Variants in PRKN observed in about 807,000 individuals in gnomAD.
The protein encoded by PRKN is E3 ubiquitin-protein ligase parkin.
A neutral mutation model predicts 59.5 loss-of-function variants in PRKN; 56 were observed. The ratio of observed to expected loss-of-function variants is 0.94; its 90% CI spans 0.76 to 1.18. PRKN has a LOEUF of 1.18. Among genes scored for constraint, PRKN ranks in the 50% most tolerant of loss-of-function variants. The pLI, the probability that PRKN is intolerant of heterozygous loss-of-function variation, is 0.00. For missense variants in PRKN, 657 were observed against 596.4 expected (o/e 1.10, Z -1.06); for synonymous variants, 250 against 222.1 (o/e 1.13, Z -1.12).
chr6:161,838,829 C>A lies in PRKN; in HGVS notation c.735-52921G>T, dbSNP rs116134031. Among the ~76,000 whole-genome samples, 1,115 of 152,258 alleles carry A rather than the reference C, an allele frequency of 7.3e-3. 20 individuals are homozygous for A. Among genetic ancestry groups the A allele is most frequent in the African/African-American group, 0.026 (1,084 of 41,556 alleles). ...CTCGCCCTGCGCCAGGGCAGCCAGTCATCTTGACAAGAGCAAGGACCGAGT... is the reference window on the plus strand; with the variant it reads ...CTCGCCCTGCGCCAGGGCAGCCAGTAATCTTGACAAGAGCAAGGACCGAGT... On this transcript the variant is annotated intron_variant, in intron 6 of 11. Transcript: ENST00000366898.
intron 5 of PRKN, among the ~76,000 whole-genome samples, chr6:162,050,831 A>G (rs758708374): frequency 1.3e-5 from 2 of 151,996 alleles, no homozygotes; most frequent in Non-Finnish European, 1.5e-5. Context: ...CCTCCCCCCA[A>G]TCACCGTGGC....
intron 7 of PRKN, among the ~76,000 whole-genome samples, chr6:161,636,729 T>C (rs1783535691): frequency 6.6e-6 from 1 of 152,086 alleles, no homozygotes; most frequent in Non-Finnish European, 1.5e-5. Flanking sequence ...CCTGTCTCTA[T>C]GTATATATAA....
At chr6:162,712,530 C>T (rs1196484363) in intron 1 of PRKN, among the ~76,000 whole-genome samples, 2 of 152,202 alleles carry the variant, frequency 1.3e-5, no homozygotes, top group Non-Finnish European at 2.9e-5. Context: ...TATCATGACG[C>T]TTATACAACT....
At chr6:162,493,908 C>T (rs1036797625) in intron 1 of PRKN, among the ~76,000 whole-genome samples, 1 of 152,176 alleles carries the variant, frequency 6.6e-6, no homozygotes, top group African/African-American at 2.4e-5. Context: ...TGGACTTCCC[C>T]ATTTGTGAGA....
intron 4 of PRKN, among the ~76,000 whole-genome samples, chr6:162,178,841 A>C (rs1783654458): frequency 6.6e-6 from 1 of 152,200 alleles, no homozygotes; most frequent in East Asian, 1.9e-4. Flanking sequence ...ACTGAATTGC[A>C]TCATCTCTTC....
chr6:162,041,559 T>C lies in PRKN; in HGVS notation c.618+12532A>G, dbSNP rs374892005. On this transcript the variant is annotated intron_variant, in intron 5 of 11. Transcript: ENST00000366898. ...CACCATTTCAAAGGGTTTAGGTTGT[T>C]ACTGTGGTTTAGTTTAGCTTTGCTT... 8.5e-5 allele frequency among the ~76,000 whole-genome samples: 13 copies of C among 152,372 alleles called. No homozygotes were observed. The South Asian group carries it at 2.7e-3, about 32-fold the overall frequency.
rs760615678 is a variant in PRKN, at chr6:161,442,716, A to G, written c.1084-55839T>C. 6.6e-6 allele frequency among the ~76,000 whole-genome samples: 1 copy of G among 152,216 alleles called. No homozygotes were observed. Among genetic ancestry groups the G allele is most frequent in the Non-Finnish European group, 1.5e-5 (1 of 68,040 alleles). ...GGGCCCCGCTTACACACCAACACCCATGAATGCTTTTCAACGAAGTTGCTA... is the reference window on the plus strand; with the variant it reads ...GGGCCCCGCTTACACACCAACACCCGTGAATGCTTTTCAACGAAGTTGCTA... On this transcript the variant is annotated intron_variant, in intron 9 of 11. Coordinates refer to ENST00000366898, the MANE Select transcript of PRKN (RefSeq NM_004562.3). This position sits in a 1 kb window ranked among gnomAD's most constrained non-coding sequence, Gnocchi z 4.6.
At chr6:161,867,759 T>TTATGTATTTATG (rs1554236201) in intron 6 of PRKN, among the ~76,000 whole-genome samples, 4 of 150,122 alleles carry the variant, frequency 2.7e-5, no homozygotes, top group African/African-American at 9.8e-5. Context: ...ATTTATTTAT[T>TTATGTATTTATG]TATTTATTTA....
chr6:161,709,422 A>G (rs989735115), intron 7 of PRKN, among the ~76,000 whole-genome samples: 13 of 152,052 alleles, frequency 8.5e-5, no homozygotes, highest in African/African-American at 2.7e-4. Context: ...GAGAAAAAGT[A>G]GAAACATTTC....
chr6:162,063,858 T>C (rs1014672579), intron 4 of PRKN, among the ~76,000 whole-genome samples: 8 of 152,232 alleles, frequency 5.3e-5, no homozygotes, highest in Non-Finnish European at 1.0e-4. Flanking sequence ...GAATTTCTTA[T>C]TACGTTAAAC....
intron 7 of PRKN, among the ~76,000 whole-genome samples, chr6:161,730,613 A>G (rs112660397): frequency 0.15 from 20,753 of 134,020 alleles, 3,919 homozygotes; most frequent in African/African-American, 0.45. Flanking sequence ...CTGATACATC[A>G]CATTCTGATG....
chr6:162,173,685 C>T (rs1237132092), intron 4 of PRKN, among the ~76,000 whole-genome samples: 1 of 152,108 alleles, frequency 6.6e-6, no homozygotes, highest in Non-Finnish European at 1.5e-5. Context: ...TGTCTTACAC[C>T]AATCAATAAA....
intron 6 of PRKN, among the ~76,000 whole-genome samples, chr6:161,810,798 T>G (rs1791527713): frequency 6.6e-6 from 1 of 152,178 alleles, no homozygotes; most frequent in Admixed American, 6.5e-5. Flanking sequence ...GTCATTATCC[T>G]TAGGATTCTA....
chr6:161,482,288 C>T (rs184869639), intron 9 of PRKN, among the ~76,000 whole-genome samples: 38 of 149,394 alleles, frequency 2.5e-4, no homozygotes, highest in Non-Finnish European at 1.0e-4. Flanking sequence ...ATTTACTAAC[C>T]AGGTTCTCAT....
chr6:161,711,047 G>T (rs773327521), intron 7 of PRKN, among the ~76,000 whole-genome samples: 1 of 150,588 alleles, frequency 6.6e-6, no homozygotes. Flanking sequence ...TATTCCCGTT[G>T]ATCTGAAAGA....
chr6:161,929,231 A>G (rs1779078573), intron 6 of PRKN, among the ~76,000 whole-genome samples: 1 of 152,238 alleles, frequency 6.6e-6, no homozygotes, highest in African/African-American at 2.4e-5. Flanking sequence ...CAAGTATTAT[A>G]TAATACGATT....
At chr6:161,890,444 G>T (rs1795300606) in intron 6 of PRKN, among the ~76,000 whole-genome samples, 2 of 152,182 alleles carry the variant, frequency 1.3e-5, no homozygotes, top group South Asian at 4.1e-4. Context: ...TTCCACAACG[G>T]AGACGAGAGC....
chr6:161,583,332 A>T (rs187125596), intron 7 of PRKN, among the ~76,000 whole-genome samples: 60 of 152,288 alleles, frequency 3.9e-4, no homozygotes, highest in African/African-American at 1.2e-3. Flanking sequence ...AAGCTAAAAA[A>T]CACATCTTGG....
chr6:162,705,897 C>G (rs183791506), intron 1 of PRKN, among the ~76,000 whole-genome samples: 1 of 152,010 alleles, frequency 6.6e-6, no homozygotes, highest in Non-Finnish European at 1.5e-5. Flanking sequence ...GTTTGACTCC[C>G]GTGGATTCTG....
Sources: allele counts gnomAD v4.1 joint callset (sites outside exome capture counted in the v4.1 genomes callset), GRCh38; gene constraint gnomAD v4.1.1; non-coding constraint Gnocchi (gnomAD v3.1); transcripts MANE v1.5; gene names NCBI Gene and HGNC (gene_info 2026-07-23, HGNC 2026-07-21).